ZNF446: variants seen among roughly 807,000 people sequenced by gnomAD.
ZNF446 encodes the protein zinc finger protein with KRAB and SCAN domains 20.
A neutral mutation model predicts 34.0 loss-of-function variants in ZNF446; 42 were observed. That is an observed-to-expected ratio of 1.23 (90% CI 0.96 to 1.60). ZNF446 has a LOEUF of 1.60. Among genes scored for constraint, ZNF446 ranks in the 40% most tolerant of loss-of-function variants. The pLI, the probability that ZNF446 is intolerant of heterozygous loss-of-function variation, is 0.00. For missense variants in ZNF446, 650 were observed against 600.2 expected (o/e 1.08, Z -0.87); for synonymous variants, 315 against 251.0 (o/e 1.25, Z -2.41).
At chr19:58,488,623 A>T in the ZNF446 span, among the ~76,000 whole-genome samples, 1 of 151,398 alleles carries the variant, frequency 6.6e-6, no homozygotes, top group African/African-American at 2.4e-5. Flanking sequence ...AGGCCGAGGC[A>T]GGTGGATCAT....
At position 58,480,340 on chromosome 19, in the gene ZNF446, G is replaced by A. The variant is rs1389092142; in HGVS notation, c.967G>A (p.Glu323Lys). The change falls in exon 7 of 7, where the codon GAG becomes AAG. Residue 323 changes from glutamate to lysine, a missense_variant. Physicochemically the swap from Glu to Lys is moderately conservative, Grantham distance 56. Transcript: ENST00000594369. The surrounding 1 kb of genome is among the most constrained non-coding windows in gnomAD (Gnocchi z 7.2). ...GCCCACACCTGCAGAGACGAGACTG[G>A]AGCCGGCTGCCACCCCCAGGAAGCC... The part of the protein sequence containing the change: ...TQPTPAETRL[E>K]PAATPRKPYT... The A allele has an allele frequency of 6.3e-7, 1 of 1,595,546 alleles. No individual in the cohort carries two copies. Among genetic ancestry groups the A allele is most frequent in the East Asian group, 2.3e-5 (1 of 44,204 alleles).
At chr19:58,485,468 C>A (rs1013234040), downstream of ZNF446, among the ~76,000 whole-genome samples, 2 of 152,140 alleles carry the variant, frequency 1.3e-5, no homozygotes, top group Non-Finnish European at 2.9e-5. Flanking sequence ...TGAGATCATG[C>A]CACTGCACTC....
downstream of ZNF446, among the ~76,000 whole-genome samples, chr19:58,481,841 T>G (rs2053142493): frequency 6.6e-6 from 1 of 152,328 alleles, no homozygotes; most frequent in South Asian, 2.1e-4. Flanking sequence ...TTGCCCAGGC[T>G]GCAGTGCGGT....
intron 4 of ZNF446, 115 bp from the exon 5 acceptor site, chr19:58,479,528 G>A: frequency 2.9e-6 from 3 of 1,030,318 alleles, no homozygotes; most frequent in Non-Finnish European, 2.9e-6. Context: ...TCAGCAGGAG[G>A]GGCAGATGAG....
At chr19:58,485,434 C>G (rs2053164208), downstream of ZNF446, among the ~76,000 whole-genome samples, 1 of 152,014 alleles carries the variant, frequency 6.6e-6, no homozygotes, top group African/African-American at 2.4e-5. Flanking sequence ...CACTTGAACC[C>G]AGAAGGCAGA....
rs1403812630 is a variant in ZNF446 at position 58,477,190 on chromosome 19, C to T, written c.-29C>T. 2.0e-6 allele frequency: 3 copies of T among 1,508,948 alleles called. No individual in the cohort carries two copies. The highest frequency in any genetic ancestry group is 1.4e-5 in the African/African-American group (1 of 71,956). The allele number at this position is 1,508,948 out of a possible 1,614,324, so 93.5% of individuals were successfully genotyped here. ...TTCCTTTTCTGTAGGCCCATCTTGA[C>T]GATTCCAAGACCACCCCCTTGAGCA... On this transcript the variant is annotated 5_prime_UTR_variant, in exon 2 of 7. The change creates a new upstream start codon in the 5' untranslated region. Transcript: ENST00000594369.
At chr19:58,486,138 G>A (rs1302622419), downstream of ZNF446, among the ~76,000 whole-genome samples, 1 of 138,088 alleles carries the variant, frequency 7.2e-6, no homozygotes, top group Non-Finnish European at 1.5e-5. Flanking sequence ...CTGTCACCCA[G>A]GCTGGAATGC....
the ZNF446 span, among the ~76,000 whole-genome samples, chr19:58,487,018 T>TCTCCATCTC: frequency 5.3e-5 from 8 of 151,784 alleles, no homozygotes; most frequent in East Asian, 5.9e-4. Flanking sequence ...GCCAGGATGG[T>TCTCCATCTC]CTGACCTTGT....
downstream of ZNF446, among the ~76,000 whole-genome samples, chr19:58,485,493 G>C (rs2122460979): frequency 6.6e-6 from 1 of 152,290 alleles, no homozygotes; most frequent in Middle Eastern, 3.4e-3. Context: ...CTGGGTGACA[G>C]AGTGAGACTC....
At chr19:58,487,977 G>T in the ZNF446 span, among the ~76,000 whole-genome samples, 1 of 151,746 alleles carries the variant, frequency 6.6e-6, no homozygotes, top group African/African-American at 2.4e-5. Context: ...CCCCAGCACT[G>T]TGAGGACAGG....
chr19:58,480,617 A>G lies in ZNF446; in HGVS notation c.1244A>G (p.Lys415Arg). Reference protein sequence around the residue: ...SWKSQLVIHRKSHTGQRRHFC... With the variant: ...SWKSQLVIHRRSHTGQRRHFC... ...AAGTCGCAGCTGGTCATCCACCGCA[A>G]GAGCCACACAGGCCAGCGGCGTCAC... Residue 415 changes from lysine to arginine, a missense_variant, in exon 7 of 7, where the codon AAG becomes AGG. Transcript: ENST00000594369. This position sits in a 1 kb window ranked among gnomAD's most constrained non-coding sequence, Gnocchi z 7.2. The G allele has an allele frequency of 6.2e-7, 1 of 1,612,618 alleles. No individual in the cohort carries two copies. The highest frequency in any genetic ancestry group is 1.1e-5 in the South Asian group (1 of 91,068).
At chr19:58,483,574 C>G, downstream of ZNF446, 2 of 152,034 alleles carry the variant, frequency 1.3e-5, 1 homozygote, top group East Asian at 3.8e-4. Context: ...CACTTGAGCC[C>G]AGGAGGTTAA....
At position 58,478,187 on chromosome 19, in the gene ZNF446, C is replaced by T. The variant is rs780589148; in HGVS notation, c.627+6C>T. ...TCCACCCACCCAGGATTCAGGTGAG[C>T]AGCCCCAAGTGGGAAGTATAGGCCC... On this transcript the variant is annotated splice_donor_region_variant and intron_variant, in intron 4 of 6. Coordinates refer to ENST00000594369, the MANE Select transcript of ZNF446 (RefSeq NM_017908.4). 5 of 1,613,066 alleles carry T rather than the reference C, an allele frequency of 3.1e-6. No homozygotes were observed. In the East Asian group the frequency reaches 8.9e-5, roughly 29 times the overall value.
downstream of ZNF446, among the ~76,000 whole-genome samples, chr19:58,481,527 G>T (rs1160849583): frequency 3.9e-5 from 6 of 152,194 alleles, no homozygotes; most frequent in African/African-American, 1.4e-4. Flanking sequence ...CTGCAAGCAG[G>T]GGTTGCGCCA....
the ZNF446 span, among the ~76,000 whole-genome samples, chr19:58,486,547 A>T: frequency 6.6e-6 from 1 of 151,600 alleles, no homozygotes; most frequent in Admixed American, 6.6e-5. Context: ...AGCTGGGATT[A>T]CAGGCCCCCG....
At chr19:58,477,061 T>C (rs1420981999) in intron 1 of ZNF446, 118 bp from the exon 2 acceptor site, 7 of 636,860 alleles carry the variant, frequency 1.1e-5, no homozygotes, top group East Asian at 2.7e-5. Context: ...CTTGGCCTTA[T>C]CTCTTCTGGC....
chr19:58,477,929 C>T, intron 3 of ZNF446, 103 bp downstream of exon 3: 3 of 1,355,488 alleles, frequency 2.2e-6, no homozygotes, highest in Non-Finnish European at 3.0e-6. Context: ...GCTGGGACTC[C>T]TGAAGTGAAT....
At chr19:58,486,707 CTT>C in the ZNF446 span, among the ~76,000 whole-genome samples, 1 of 143,388 alleles carries the variant, frequency 7.0e-6, no homozygotes, top group Non-Finnish European at 1.5e-5. Flanking sequence ...CCGCACCCAG[CTT>C]TTTTTTTTGG....
chr19:58,486,565 A>ATG, the ZNF446 span, among the ~76,000 whole-genome samples: 1 of 150,332 alleles, frequency 6.7e-6, no homozygotes, highest in Admixed American at 6.6e-5. Flanking sequence ...CCGCCACCGC[A>ATG]CCCGGCTAAT....
Sources: gnomAD v4.1 joint callset for allele counts (sites outside exome capture counted in the v4.1 genomes callset) on GRCh38, gnomAD v4.1.1 for gene constraint, Gnocchi (gnomAD v3.1) non-coding constraint, MANE v1.5 for transcripts, NCBI Gene and HGNC (gene_info 2026-07-23, HGNC 2026-07-21) for gene names.